The following ST3GAL3 variants were observed in gnomAD, a reference collection of about 807,000 sequenced individuals.
ST3GAL3 encodes CMP-N-acetylneuraminate-beta-1,4-galactoside alpha-2,3-sialyltransferase.
A neutral mutation model predicts 50.1 loss-of-function variants in ST3GAL3; 21 were observed. That is an observed-to-expected ratio of 0.42 (90% CI 0.30 to 0.60). The LOEUF (loss-of-function observed/expected upper bound fraction) is 0.60, where lower values mean the gene tolerates loss of function less well. Among genes scored for constraint, ST3GAL3 ranks in the 20% least tolerant of loss-of-function variants. The probability of loss-of-function intolerance (pLI) is 0.19; values close to 1 mark genes in which losing one functional copy is unlikely to be tolerated. For missense variants in ST3GAL3, 353 were observed against 489.4 expected, an observed-to-expected ratio of 0.72 and a Z score of 2.63; for synonymous variants, 183 against 190.0, an observed-to-expected ratio of 0.96 and a Z score of 0.30.
chr1:43,925,753 G>A (rs1207606316), intron 11 of ST3GAL3, among the ~76,000 whole-genome samples: 1 of 152,234 alleles, frequency 6.6e-6, no homozygotes, highest in Non-Finnish European at 1.5e-5. Context: ...TGGAAGGGAT[G>A]TCAAGGGAAT....
intron 11 of ST3GAL3, among the ~76,000 whole-genome samples, chr1:43,929,681 C>A (rs1418431718): frequency 2.0e-5 from 3 of 152,172 alleles, no homozygotes; most frequent in Non-Finnish European, 2.9e-5. Context: ...GGATTTCATC[C>A]GCCGCCCCCA....
chr1:43,845,777 ATAAATTT>A (rs2154208071), intron 5 of ST3GAL3, among the ~76,000 whole-genome samples: 2 of 152,186 alleles, frequency 1.3e-5, no homozygotes, highest in South Asian at 4.1e-4. Context: ...TTGTAATGGT[ATAAATTT>A]CACTCTATAT....
At chr1:43,798,794 G>C (rs774293257) in intron 3 of ST3GAL3, among the ~76,000 whole-genome samples, 39 of 152,184 alleles carry the variant, frequency 2.6e-4, no homozygotes, top group Non-Finnish European at 5.1e-4. Flanking sequence ...TTTGGCCAAG[G>C]ACTTGGTCTG....
intron 5 of ST3GAL3, among the ~76,000 whole-genome samples, chr1:43,886,518 T>A (rs1291646540): frequency 6.6e-6 from 1 of 152,192 alleles, no homozygotes; most frequent in Non-Finnish European, 1.5e-5. Flanking sequence ...CTATTAAAAA[T>A]TTTTTTAAAA....
At chr1:43,826,588 C>T (rs1047066789) in intron 4 of ST3GAL3, among the ~76,000 whole-genome samples, 5 of 152,150 alleles carry the variant, frequency 3.3e-5, no homozygotes, top group African/African-American at 4.8e-5. Context: ...TCATTCTATG[C>T]GTCCAACATT....
intron 5 of ST3GAL3, among the ~76,000 whole-genome samples, chr1:43,871,993 G>A (rs2073004454): frequency 7.3e-5 from 1 of 13,686 alleles, no homozygotes; most frequent in Non-Finnish European, 1.6e-4. Context: ...GAAAGAGGGT[G>A]GGGTCTGAGT....
chr1:43,798,219 T>C (rs1345003249), intron 3 of ST3GAL3, among the ~76,000 whole-genome samples: 1 of 152,190 alleles, frequency 6.6e-6, no homozygotes, highest in Non-Finnish European at 1.5e-5. Context: ...CTGCCCAAGG[T>C]ACCATCTTCT....
chr1:43,730,849 C>G (rs1301761772), intron 1 of ST3GAL3, among the ~76,000 whole-genome samples: 5 of 151,934 alleles, frequency 3.3e-5, no homozygotes, highest in Non-Finnish European at 7.4e-5. Flanking sequence ...GCCTAGCCAT[C>G]AAGTCTCTGA....
intron 5 of ST3GAL3, among the ~76,000 whole-genome samples, chr1:43,848,973 T>A (rs1401385009): frequency 6.6e-6 from 1 of 152,192 alleles, no homozygotes; most frequent in African/African-American, 2.4e-5. Flanking sequence ...GTGTTTTTAA[T>A]CTCTGTAGGT....
At chr1:43,759,952 A>G (rs1689666194) in intron 2 of ST3GAL3, among the ~76,000 whole-genome samples, 1 of 152,128 alleles carries the variant, frequency 6.6e-6, no homozygotes, top group African/African-American at 2.4e-5. Flanking sequence ...ACCCATCTCA[A>G]AAAAAATGTG....
intron 2 of ST3GAL3, among the ~76,000 whole-genome samples, chr1:43,749,084 A>G (rs1685025709): frequency 6.6e-6 from 1 of 152,210 alleles, no homozygotes; most frequent in South Asian, 2.1e-4. Context: ...TGATAAAAGT[A>G]ATAACATAAT....
intron 9 of ST3GAL3, among the ~76,000 whole-genome samples, chr1:43,909,062 C>T (rs1277628125): frequency 1.3e-5 from 2 of 152,216 alleles, no homozygotes; most frequent in African/African-American, 4.8e-5. Flanking sequence ...TTCTTATAAG[C>T]CTCAGGAGGG....
chr1:43,871,191 C>A (rs2072615189), intron 5 of ST3GAL3, among the ~76,000 whole-genome samples: 1 of 152,208 alleles, frequency 6.6e-6, no homozygotes, highest in South Asian at 2.1e-4. Context: ...ACATGTGGGA[C>A]AACAGCAGGC....
At chr1:43,872,965 G>C (rs899894847) in intron 5 of ST3GAL3, among the ~76,000 whole-genome samples, 7 of 152,206 alleles carry the variant, frequency 4.6e-5, no homozygotes, top group African/African-American at 1.7e-4. Flanking sequence ...AAGCTCTGAG[G>C]TGGGATCCAA....
At chr1:43,757,323 A>G (rs980974488) in intron 2 of ST3GAL3, among the ~76,000 whole-genome samples, 2 of 152,228 alleles carry the variant, frequency 1.3e-5, no homozygotes, top group African/African-American at 4.8e-5. Context: ...TAAAACTTAT[A>G]TAGAAATATA....
intron 2 of ST3GAL3, among the ~76,000 whole-genome samples, chr1:43,778,196 A>G (rs1470251010): frequency 6.6e-6 from 1 of 152,186 alleles, no homozygotes; most frequent in African/African-American, 2.4e-5. Flanking sequence ...CAAAAACCGT[A>G]TGTTCTCATT....
At chr1:43,836,867 T>C (rs1000841039) in intron 4 of ST3GAL3, among the ~76,000 whole-genome samples, 10 of 152,216 alleles carry the variant, frequency 6.6e-5, no homozygotes, top group African/African-American at 2.4e-4. Flanking sequence ...GCATAAGACG[T>C]TGAAACCCAA....
intron 1 of ST3GAL3, among the ~76,000 whole-genome samples, chr1:43,716,766 A>G (rs901344349): frequency 2.0e-5 from 3 of 152,148 alleles, no homozygotes; most frequent in African/African-American, 7.2e-5. Context: ...TGTCCATGAA[A>G]TTAAACACCA....
intron 3 of ST3GAL3, among the ~76,000 whole-genome samples, chr1:43,809,540 T>C (rs2060288953): frequency 6.7e-6 from 1 of 150,250 alleles, no homozygotes; most frequent in Admixed American, 6.6e-5. Flanking sequence ...CTACAAAAAG[T>C]TTAAAAATTA....
Sources: gnomAD v4.1 joint callset for allele counts (sites outside exome capture counted in the v4.1 genomes callset) on GRCh38, gnomAD v4.1.1 for gene constraint, MANE v1.5 for transcripts, NCBI Gene and HGNC (gene_info 2026-07-23, HGNC 2026-07-21) for gene names.